The following SMAP1 variants were observed in gnomAD, a reference collection of about 807,000 sequenced individuals.
The protein encoded by SMAP1 is stromal membrane-associated protein 1.
Under a neutral mutation model 58.5 loss-of-function variants are expected in SMAP1, and 24 were observed. The ratio of observed to expected loss-of-function variants is 0.41; its 90% CI spans 0.30 to 0.58. The LOEUF is 0.58. Among genes scored for constraint, SMAP1 ranks in the 20% least tolerant of loss-of-function variants. The pLI, the probability that SMAP1 is intolerant of heterozygous loss-of-function variation, is 0.29. For synonymous variants in SMAP1, 216 were observed against 196.6 expected, an observed-to-expected ratio of 1.10 and a Z score of -0.82; for missense variants, 563 against 566.3, an observed-to-expected ratio of 0.99 and a Z score of 0.06.
intron 2 of SMAP1, among the ~76,000 whole-genome samples, chr6:70,737,968 A>G (rs946557683): frequency 7.9e-5 from 12 of 152,350 alleles, no homozygotes; most frequent in Admixed American, 2.6e-4. Flanking sequence ...ACGGTAATAT[A>G]TGCAGGTACT....
At chr6:70,758,767 A>G (rs1370648936) in intron 3 of SMAP1, among the ~76,000 whole-genome samples, 1 of 152,136 alleles carries the variant, frequency 6.6e-6, no homozygotes, top group Non-Finnish European at 1.5e-5. Flanking sequence ...AGCTACATTA[A>G]GATTGGCTTT....
intron 4 of SMAP1, among the ~76,000 whole-genome samples, chr6:70,779,709 C>A (rs570332118): frequency 6.6e-6 from 1 of 152,104 alleles, no homozygotes; most frequent in Non-Finnish European, 1.5e-5. Context: ...CTACTGTTCT[C>A]CCCTAGTGCT....
intron 2 of SMAP1, among the ~76,000 whole-genome samples, chr6:70,743,558 G>C (rs897689542): frequency 4.6e-5 from 7 of 152,188 alleles, no homozygotes; most frequent in Admixed American, 3.9e-4. Flanking sequence ...AACCAGGCAC[G>C]TAATAAGCTT....
chr6:70,852,694 T>G, intron 8 of SMAP1, 30 bp downstream of exon 8: 1 of 1,508,660 alleles, frequency 6.6e-7, no homozygotes, highest in Non-Finnish European at 8.9e-7. Context: ...TTTTATATGG[T>G]CACTGCTTAT....
Position 70,755,060 on chromosome 6 carries a change from A to C in SMAP1, c.333A>C (p.Thr111=). 1 of 1,605,222 alleles carries C rather than the reference A, an allele frequency of 6.2e-7. No homozygotes were observed. Among genetic ancestry groups the C allele is most frequent in the Non-Finnish European group, 8.5e-7 (1 of 1,174,112 alleles). ...NLPENFRRPQ[T]DQAVEFFIRD... is the part of the protein sequence containing the mutation. ...CAGAGAACTTTCGAAGACCACAGAC[A>C]GATCAGTATCCTTTAAAACTTATTT... The change falls in exon 3 of 11, where the codon ACA becomes ACC. Residue 111 remains threonine (T), a synonymous_variant. Transcript: ENST00000370455.
chr6:70,709,402 G>T (rs967762264), intron 1 of SMAP1, among the ~76,000 whole-genome samples: 8 of 151,858 alleles, frequency 5.3e-5, no homozygotes, highest in African/African-American at 1.9e-4. Flanking sequence ...ACAGTAGCAC[G>T]ATCATGGCTC....
chr6:70,724,140 G>T (rs1768655637), intron 1 of SMAP1, among the ~76,000 whole-genome samples: 1 of 141,500 alleles, frequency 7.1e-6, no homozygotes, highest in South Asian at 2.3e-4. Context: ...GGTATTTAAG[G>T]TTTTTTTTTT....
intron 4 of SMAP1, among the ~76,000 whole-genome samples, chr6:70,789,465 G>C (rs867063330): frequency 1.3e-5 from 2 of 151,458 alleles, no homozygotes; most frequent in Middle Eastern, 6.9e-3. Context: ...TCTTTCTTCC[G>C]TTATGTTTCT....
chr6:70,685,607 A>G (rs1235907686), intron 1 of SMAP1, among the ~76,000 whole-genome samples: 1 of 152,058 alleles, frequency 6.6e-6, no homozygotes, highest in Non-Finnish European at 1.5e-5. Context: ...GTTTGTGCAT[A>G]TACTTAGTGG....
chr6:70,742,385 G>A (rs1765851974), intron 2 of SMAP1, among the ~76,000 whole-genome samples: 1 of 152,162 alleles, frequency 6.6e-6, no homozygotes, highest in South Asian at 2.1e-4. Flanking sequence ...CAAATCTCTA[G>A]GGCAGGGGCA....
At chr6:70,772,649 C>A (rs1767379593) in intron 3 of SMAP1, among the ~76,000 whole-genome samples, 1 of 152,160 alleles carries the variant, frequency 6.6e-6, no homozygotes, top group African/African-American at 2.4e-5. Flanking sequence ...ATTACTCACT[C>A]TATTAACAGG....
At chr6:70,851,265 T>G (rs891354802) in intron 7 of SMAP1, among the ~76,000 whole-genome samples, 3 of 152,186 alleles carry the variant, frequency 2.0e-5, no homozygotes, top group African/African-American at 7.2e-5. Context: ...AATTGAAGCT[T>G]AAACAGGGAA....
At chr6:70,784,415 T>C (rs1767909594) in intron 4 of SMAP1, among the ~76,000 whole-genome samples, 1 of 152,158 alleles carries the variant, frequency 6.6e-6, no homozygotes, top group Admixed American at 6.5e-5. Context: ...AATAACCAGC[T>C]AACATCATAA....
intron 1 of SMAP1, among the ~76,000 whole-genome samples, chr6:70,669,436 A>G (rs1001990998): frequency 1.3e-5 from 2 of 152,258 alleles, no homozygotes; most frequent in East Asian, 1.9e-4. Context: ...TACTGTAACT[A>G]GATTATTTTT....
At chr6:70,852,719 G>A in intron 8 of SMAP1, 55 bp downstream of exon 8, 1 of 1,438,970 alleles carries the variant, frequency 6.9e-7, no homozygotes, top group Non-Finnish European at 9.2e-7. Context: ...TTTTTGAAAA[G>A]TTTCAAAATT....
chr6:70,847,771 C>T (rs1771047130), intron 7 of SMAP1, among the ~76,000 whole-genome samples: 1 of 152,126 alleles, frequency 6.6e-6, no homozygotes. Context: ...CTGCTCCCAC[C>T]ATCATTCCGT....
At chr6:70,827,164 G>A (rs1159389954) in intron 6 of SMAP1, among the ~76,000 whole-genome samples, 1 of 151,878 alleles carries the variant, frequency 6.6e-6, no homozygotes, top group African/African-American at 2.4e-5. Flanking sequence ...TTTCTTCAGG[G>A]GTCAATACTG....
chr6:70,710,406 G>A (rs767560009), intron 1 of SMAP1, among the ~76,000 whole-genome samples: 63 of 147,796 alleles, frequency 4.3e-4, no homozygotes, highest in Middle Eastern at 7.2e-3. Flanking sequence ...CAGGAGAATC[G>A]CTTGAACCCG....
intron 6 of SMAP1, among the ~76,000 whole-genome samples, chr6:70,820,961 A>G (rs954353604): frequency 6.6e-6 from 1 of 152,172 alleles, no homozygotes; most frequent in African/African-American, 2.4e-5. Flanking sequence ...GGAATAATCA[A>G]TAGCTGCTGG....
Sources: allele counts gnomAD v4.1 joint callset (sites outside exome capture counted in the v4.1 genomes callset), GRCh38; gene constraint gnomAD v4.1.1; transcripts MANE v1.5; gene names NCBI Gene and HGNC (gene_info 2026-07-23, HGNC 2026-07-21).